Variants in TOX observed in about 807,000 individuals in gnomAD.
The protein encoded by TOX is thymocyte selection-associated high mobility group box protein TOX.
A neutral mutation model predicts 53.7 loss-of-function variants in TOX; 11 were observed. That is an observed-to-expected ratio of 0.20 (90% CI 0.13 to 0.34). The LOEUF is 0.34. TOX is among the 10% of genes least tolerant of loss of function. The pLI is 1.00. For synonymous variants in TOX, 225 were observed against 245.3 expected (o/e 0.92, Z 0.77); for missense variants, 570 against 664.6 (o/e 0.86, Z 1.56).
chr8:59,030,725 A>T (rs1814340027), intron 1 of TOX, among the ~76,000 whole-genome samples: 1 of 152,178 alleles, frequency 6.6e-6, no homozygotes, highest in African/African-American at 2.4e-5. Flanking sequence ...AACGGTAATA[A>T]AACATGATTG....
At chr8:59,078,459 C>T (rs1056597067) in intron 1 of TOX, among the ~76,000 whole-genome samples, 1 of 152,136 alleles carries the variant, frequency 6.6e-6, no homozygotes, top group Non-Finnish European at 1.5e-5. Context: ...GGCACTTGCC[C>T]CAACCCCCAC....
chr8:58,883,721 G>A lies in TOX; in HGVS notation c.412-31916C>T, dbSNP rs964971661. Among the ~76,000 whole-genome samples the A allele has an allele frequency of 9.9e-5, 15 of 151,726 alleles. No homozygotes were observed. The South Asian group carries it at 1.9e-3, about 19-fold the overall frequency. ...GGATTTCTATGAACATTGTTCATTC[G>A]TATGTTTTTTTTTTATAAAAGCACT... On this transcript the variant is annotated intron_variant, in intron 3 of 8. Transcript: ENST00000361421.
chr8:58,806,288 T>C lies in TOX; in HGVS notation c.*1459A>G, dbSNP rs924317882. On this transcript the variant is annotated 3_prime_UTR_variant, in exon 9 of 9. Coordinates refer to ENST00000361421, the MANE Select transcript of TOX (RefSeq NM_014729.3). ...GATGGCTTTCCCTTTTCTTTTGCTA[T>C]CTGGTTACTCACCTTTCATTTTTAG... 3 of 152,262 alleles carry C rather than the reference T, an allele frequency of 2.0e-5. No homozygotes were observed. Among genetic ancestry groups the C allele is most frequent in the Admixed American group, 1.3e-4 (2 of 15,282 alleles). 9.4% of individuals were successfully genotyped at this position (152,262 alleles called of 1,614,324 possible).
At chr8:58,978,081 T>C (rs555325941) in intron 1 of TOX, among the ~76,000 whole-genome samples, 53 of 152,334 alleles carry the variant, frequency 3.5e-4, no homozygotes, top group African/African-American at 1.1e-3. Context: ...GGGGTATGTC[T>C]GTATTTGCAT....
chr8:58,934,534 C>T (rs1053943043), intron 3 of TOX, among the ~76,000 whole-genome samples: 2 of 152,122 alleles, frequency 1.3e-5, no homozygotes, highest in Non-Finnish European at 1.5e-5. Context: ...CACGGTCACA[C>T]AGCTGGTAAG....
rs559791527 is a variant in TOX at position 58,997,015 on chromosome 8, A to G, written c.103-37007T>C. ...AGTAGTTTTAGAAATGCACCACTATATGACACTCACATGTTCAAACTAGTA... is the reference window on the plus strand; with the variant it reads ...AGTAGTTTTAGAAATGCACCACTATGTGACACTCACATGTTCAAACTAGTA... On this transcript the variant is annotated intron_variant, in intron 1 of 8. Coordinates refer to ENST00000361421, the MANE Select transcript of TOX (RefSeq NM_014729.3). 3.3e-5 allele frequency among the ~76,000 whole-genome samples: 5 copies of G among 152,356 alleles called. No homozygotes were observed. In the South Asian group the frequency reaches 1.0e-3, roughly 32 times the overall value.
chr8:59,068,896 G>A (rs1804142895), intron 1 of TOX, among the ~76,000 whole-genome samples: 1 of 152,180 alleles, frequency 6.6e-6, no homozygotes, highest in Admixed American at 6.5e-5. Flanking sequence ...ATGCAGGAAG[G>A]GCTTCCTAAA....
Position 58,861,254 on chromosome 8 carries a change from C to T in TOX, c.412-9449G>A, listed in dbSNP as rs76429905. On this transcript the variant is annotated intron_variant, in intron 3 of 8. Coordinates refer to ENST00000361421, the MANE Select transcript of TOX (RefSeq NM_014729.3). ...GAGGCTCACGGACTAAAGGGTCTGT[C>T]CTGTCTAAAAGAGCTCTGGGGATCA... Among the ~76,000 whole-genome samples, 486 of 152,290 alleles carry T rather than the reference C, an allele frequency of 3.2e-3. 3 individuals are homozygous for T. The highest frequency in any genetic ancestry group is 0.011 in the African/African-American group (462 of 41,568).
chr8:59,005,133 G>T (rs1278009298), intron 1 of TOX, among the ~76,000 whole-genome samples: 1 of 152,020 alleles, frequency 6.6e-6, no homozygotes, highest in African/African-American at 2.4e-5. Flanking sequence ...CTGCCTCCCG[G>T]GTTCACGCCA....
intron 1 of TOX, among the ~76,000 whole-genome samples, chr8:59,113,684 AG>A (rs1805057633): frequency 6.6e-6 from 1 of 152,084 alleles, no homozygotes; most frequent in African/African-American, 2.4e-5. Flanking sequence ...ATTGGGGAGG[AG>A]ACTAGCAAAA....
intron 3 of TOX, among the ~76,000 whole-genome samples, chr8:58,908,907 T>C (rs1811865141): frequency 6.6e-6 from 1 of 152,224 alleles, no homozygotes; most frequent in African/African-American, 2.4e-5. Context: ...TTTTCTTATA[T>C]GAAGTTGAAA....
At chr8:58,998,167 T>A (rs1813596802) in intron 1 of TOX, among the ~76,000 whole-genome samples, 1 of 151,976 alleles carries the variant, frequency 6.6e-6, no homozygotes, top group South Asian at 2.1e-4. Context: ...ATATTTAATA[T>A]GAGAAAGAAG....
chr8:58,941,774 G>A lies in TOX; in HGVS notation c.169-2230C>T, dbSNP rs553135079. Reference sequence around the variant, plus strand: ...AGTGCCTGTTTGAAACTCTCCTGGCGGGGCGCGGTGGCTCATACCTGTAAT... The same window carrying A: ...AGTGCCTGTTTGAAACTCTCCTGGCAGGGCGCGGTGGCTCATACCTGTAAT... On this transcript the variant is annotated intron_variant, in intron 2 of 8. Coordinates refer to ENST00000361421, the MANE Select transcript of TOX (RefSeq NM_014729.3). Among the ~76,000 whole-genome samples, 31 of 152,110 alleles carry A rather than the reference G, an allele frequency of 2.0e-4. No homozygotes were observed. In the East Asian group the frequency reaches 2.5e-3, roughly 12 times the overall value.
intron 1 of TOX, among the ~76,000 whole-genome samples, chr8:59,092,269 A>ATATATATATAATATATACAT (rs1804624471): frequency 5.2e-5 from 6 of 116,402 alleles, no homozygotes; most frequent in African/African-American, 3.2e-4. Context: ...TATATTTTAT[A>ATATATATATAATATATACAT]TATATATATA....
chr8:58,975,261 CA>C (rs1186446384), intron 1 of TOX, among the ~76,000 whole-genome samples: 24 of 148,740 alleles, frequency 1.6e-4, no homozygotes, highest in East Asian at 1.6e-3. Flanking sequence ...CACACACACA[CA>C]CCCCCACACA....
chr8:58,850,237 A>G (rs916051577), intron 4 of TOX, among the ~76,000 whole-genome samples: 1 of 152,156 alleles, frequency 6.6e-6, no homozygotes, highest in African/African-American at 2.4e-5. Flanking sequence ...CATGGAAATG[A>G]TGATTGTGAG....
rs775960719 is a variant in TOX at position 58,939,283 on chromosome 8, C to T, written c.411+19G>A. The T allele has an allele frequency of 1.9e-6, 3 of 1,613,122 alleles. No individual in the cohort carries two copies. In the African/African-American group the frequency reaches 4.0e-5, roughly 22 times the overall value. On this transcript the variant is annotated intron_variant, in intron 3 of 8. Transcript: ENST00000361421. The stretch of plus-strand genomic sequence containing the variant: ...GGTATCCCTCAGCCCCCACCACAAA[C>T]AGGTAAGCAGATTCTTACCACAGAA...
At chr8:58,965,894 G>GCTTTTTTTTTTTTTTTTTTTTT (rs1374766431) in intron 1 of TOX, among the ~76,000 whole-genome samples, 2 of 49,616 alleles carry the variant, frequency 4.0e-5, no homozygotes, top group African/African-American at 1.5e-4. Context: ...ACGAGTCATC[G>GCTTTTTTTTTTTTTTTTTTTTT]TTTTTTTTTT....
At chr8:58,907,173 A>G (rs539445315) in intron 3 of TOX, among the ~76,000 whole-genome samples, 27 of 152,272 alleles carry the variant, frequency 1.8e-4, no homozygotes, top group African/African-American at 6.3e-4. Flanking sequence ...TGATAGCTCC[A>G]TTCTTATTGG....
Sources: allele counts gnomAD v4.1 joint callset (sites outside exome capture counted in the v4.1 genomes callset), GRCh38; gene constraint gnomAD v4.1.1; transcripts MANE v1.5; gene names NCBI Gene and HGNC (gene_info 2026-07-23, HGNC 2026-07-21).